Variants in AKAP10 observed in about 807,000 individuals in gnomAD.
AKAP10 encodes A-kinase anchoring protein 10.
A neutral mutation model predicts 80.8 loss-of-function variants in AKAP10; 24 were observed. The observed-to-expected ratio is 0.30, with a 90% confidence interval of 0.22 to 0.42. The LOEUF (loss-of-function observed/expected upper bound fraction) is 0.42. AKAP10 is among the 10% of genes least tolerant of loss of function. The pLI, the probability that AKAP10 is intolerant of heterozygous loss-of-function variation, is 1.00. For synonymous variants in AKAP10, 291 were observed against 277.7 expected (o/e 1.05, Z -0.48); for missense variants, 661 against 794.9 (o/e 0.83, Z 2.03).
chr17:19,943,490 A>G (rs1022978742), intron 5 of AKAP10, among the ~76,000 whole-genome samples: 1 of 152,162 alleles, frequency 6.6e-6, no homozygotes, highest in Non-Finnish European at 1.5e-5. Context: ...TGAATAGCTA[A>G]ATCTGTAGAG....
intron 7 of AKAP10, among the ~76,000 whole-genome samples, 196 bp from the exon 8 acceptor site, chr17:19,940,045 A>G (rs2043036296): frequency 6.6e-6 from 1 of 152,236 alleles, no homozygotes. Flanking sequence ...AGACGAAAAA[A>G]AAGTTAACAA....
intron 1 of AKAP10, among the ~76,000 whole-genome samples, chr17:19,972,301 C>A (rs1301768746): frequency 1.3e-5 from 2 of 152,078 alleles, no homozygotes; most frequent in Non-Finnish European, 2.9e-5. Context: ...GTTTATTGGT[C>A]ATTTTGGCTT....
At chr17:19,924,787 C>T (rs957162066) in intron 10 of AKAP10, among the ~76,000 whole-genome samples, 1 of 152,144 alleles carries the variant, frequency 6.6e-6, no homozygotes, top group Non-Finnish European at 1.5e-5. Flanking sequence ...GCGATCACAA[C>T]TCACTGCAGC....
chr17:19,946,252 TATATATATATATATATATATATA>T (rs1567765714), intron 5 of AKAP10, among the ~76,000 whole-genome samples: 3 of 21,478 alleles, frequency 1.4e-4, no homozygotes, highest in African/African-American at 4.0e-4. Context: ...TATATATATA[TATATATATATATATATATATATA>T]TTTTTTTTTT....
At position 19,976,674 on chromosome 17, in the gene AKAP10, C is replaced by G. The variant is rs541134054; in HGVS notation, c.88+918G>C. ...AGCTGGCATTACAGGCATGCGCCAC[C>G]ACCCTGGCTAATTTTGTATTTTTAG... On this transcript the variant is annotated intron_variant, in intron 1 of 14. Coordinates refer to ENST00000225737, the MANE Select transcript of AKAP10 (RefSeq NM_007202.4). Among the ~76,000 whole-genome samples, 4 of 152,080 alleles carry G rather than the reference C, an allele frequency of 2.6e-5. No homozygotes were observed. In the East Asian group the frequency reaches 7.8e-4, roughly 30 times the overall value.
At chr17:19,938,946 G>A (rs1272022018) in intron 8 of AKAP10, among the ~76,000 whole-genome samples, 3 of 152,030 alleles carry the variant, frequency 2.0e-5, no homozygotes, top group Non-Finnish European at 4.4e-5. Context: ...TGCCCAGGCT[G>A]GTCTCAAATT....
At chr17:19,946,112 T>A (rs1030245146) in intron 5 of AKAP10, among the ~76,000 whole-genome samples, 1 of 137,186 alleles carries the variant, frequency 7.3e-6, no homozygotes, top group Non-Finnish European at 1.5e-5. Context: ...CTAGTATATA[T>A]ATATATACAC....
At chr17:19,931,143 A>G (rs1425518627) in intron 10 of AKAP10, among the ~76,000 whole-genome samples, 3 of 152,042 alleles carry the variant, frequency 2.0e-5, no homozygotes, top group Non-Finnish European at 1.5e-5. Context: ...CAAGAAAAGA[A>G]AAAAAAAGGA....
chr17:19,957,729 G>A (rs931266492), intron 4 of AKAP10, among the ~76,000 whole-genome samples: 1 of 152,186 alleles, frequency 6.6e-6, no homozygotes, highest in Non-Finnish European at 1.5e-5. Flanking sequence ...ATAAGGCTAT[G>A]TGGATAATGG....
At position 19,947,415 on chromosome 17, in the gene AKAP10, T is replaced by C; in HGVS notation, c.968A>G (p.Asp323Gly). Reference sequence around the variant, plus strand: ...TTTCAAGCACTGCTTACCTATGATGTCATTTCTCATTGCTTCTGTAATTGG... The same window carrying C: ...TTTCAAGCACTGCTTACCTATGATGCCATTTCTCATTGCTTCTGTAATTGG... ...PIPITEAMRN[D>G]IIARICGEDG... The change falls in exon 5 of 15, where the codon GAC (aspartate) becomes GGC (glycine). Residue 323 changes from aspartate (D) to glycine (G), a missense_variant. Coordinates refer to ENST00000225737, the MANE Select transcript of AKAP10 (RefSeq NM_007202.4). 1 of 1,607,318 alleles carries C rather than the reference T, an allele frequency of 6.2e-7. No homozygotes were observed. Among genetic ancestry groups the C allele is most frequent in the Non-Finnish European group, 8.5e-7 (1 of 1,173,978 alleles).
intron 9 of AKAP10, among the ~76,000 whole-genome samples, chr17:19,935,228 G>GT (rs1334569542): frequency 6.6e-6 from 1 of 152,062 alleles, no homozygotes; most frequent in Non-Finnish European, 1.5e-5. Context: ...AAGAATTTGT[G>GT]TATTTAAACA....
intron 8 of AKAP10, among the ~76,000 whole-genome samples, chr17:19,937,261 G>A (rs2043002340): frequency 6.6e-6 from 1 of 152,198 alleles, no homozygotes; most frequent in Non-Finnish European, 1.5e-5. Context: ...CAGCACTTTG[G>A]GAGGCAGTGG....
chr17:19,906,323 T>G, intron 14 of AKAP10, 91 bp from the exon 15 acceptor site: 1 of 1,406,500 alleles, frequency 7.1e-7, no homozygotes. Context: ...CAACACTTAG[T>G]GTTTACTATA....
chr17:19,964,452 C>G (rs2043391400), intron 2 of AKAP10, among the ~76,000 whole-genome samples: 2 of 152,184 alleles, frequency 1.3e-5, no homozygotes, highest in South Asian at 2.1e-4. Flanking sequence ...TAGCCTGCTT[C>G]TTTGGCTCCC....
At chr17:19,941,299 C>T (rs2043048885) in intron 6 of AKAP10, among the ~76,000 whole-genome samples, 1 of 152,198 alleles carries the variant, frequency 6.6e-6, no homozygotes, top group Non-Finnish European at 1.5e-5. Flanking sequence ...AAGACTGGCA[C>T]TATGCCTAAC....
chr17:19,936,535 T>C lies in AKAP10; in HGVS notation c.1323-105A>G, dbSNP rs189660260. 380 of 1,133,358 alleles carry C rather than the reference T, an allele frequency of 3.4e-4. 2 individuals carry two copies. In the African/African-American group the frequency reaches 5.3e-3, roughly 16 times the overall value. The allele number at this position is 1,133,358 out of a possible 1,614,324, so 70.2% of individuals were successfully genotyped here. On this transcript the variant is annotated intron_variant, in intron 8 of 14. Transcript: ENST00000225737. Reference sequence around the variant, plus strand: ...TTATACAAGGCTACTTGATTGAGCCTGCAGGCCTAGAACTATAGAGCTATG... The same window carrying C: ...TTATACAAGGCTACTTGATTGAGCCCGCAGGCCTAGAACTATAGAGCTATG...
Position 19,958,488 on chromosome 17 carries a change from C to CA in AKAP10, c.402dup (p.Val135CysfsTer25). ...ATGAATTGAATGAAGTAAGGGAGGA[C>CA]AATAGTGTCGTGCAAGACTTGTTCA... On this transcript the variant is annotated frameshift_variant, in exon 4 of 15. Coordinates refer to ENST00000225737, the MANE Select transcript of AKAP10 (RefSeq NM_007202.4). LOFTEE classifies it high-confidence loss of function. 6.2e-7 allele frequency: 1 copy of CA among 1,613,576 alleles called. No homozygotes were observed. The highest frequency in any genetic ancestry group is 8.5e-7 in the Non-Finnish European group (1 of 1,180,016).
intron 4 of AKAP10, among the ~76,000 whole-genome samples, chr17:19,948,643 A>G (rs965089903): frequency 1.3e-5 from 2 of 152,176 alleles, no homozygotes; most frequent in African/African-American, 4.8e-5. Context: ...GCCAGACAAC[A>G]GGAAAGGGAT....
Position 19,920,076 on chromosome 17 carries a change from G to A in AKAP10, c.1794C>T (p.Ile598=). 1 of 1,613,606 alleles carries A rather than the reference G, an allele frequency of 6.2e-7. No individual in the cohort carries two copies. The highest frequency in any genetic ancestry group is 1.1e-5 in the South Asian group (1 of 91,028). The part of the protein sequence containing the change: ...FGRVSDLGQF[I]RESEPEPDVR... The stretch of plus-strand genomic sequence containing the variant: ...CATCAGGTTCAGGCTCAGATTCTCG[G>A]ATGAATTGCCCCAAGTCACTGACTC... Residue 598 remains isoleucine (I), a synonymous_variant, in exon 12 of 15, where the codon ATC becomes ATT. Coordinates refer to ENST00000225737, the MANE Select transcript of AKAP10 (RefSeq NM_007202.4).
Sources: allele counts gnomAD v4.1 joint callset (sites outside exome capture counted in the v4.1 genomes callset), GRCh38; gene constraint gnomAD v4.1.1; transcripts MANE v1.5; gene names NCBI Gene and HGNC (gene_info 2026-07-23, HGNC 2026-07-21).